Variants in ESRRG observed in about 807,000 individuals in gnomAD.
ESRRG encodes the protein estrogen related receptor gamma, also known as estrogen-related receptor gamma.
Under a neutral mutation model 44.0 loss-of-function variants are expected in ESRRG, and 13 were observed. The observed-to-expected ratio is 0.30, with a 90% CI of 0.19 to 0.47. The LOEUF is 0.47. Ranked by LOEUF, ESRRG falls within the 20% of genes least tolerant of loss-of-function variation. The probability of loss-of-function intolerance (pLI) is 1.00; values close to 1 mark genes in which losing one functional copy is unlikely to be tolerated. For missense variants in ESRRG, 395 were observed against 580.6 expected, an observed-to-expected ratio of 0.68 and a Z score of 3.29; for synonymous variants, 215 against 214.6, an observed-to-expected ratio of 1.00 and a Z score of -0.02.
chr1:216,916,391 G>A (rs2061169193), intron 2 of ESRRG, among the ~76,000 whole-genome samples: 1 of 152,176 alleles, frequency 6.6e-6, no homozygotes, highest in African/African-American at 2.4e-5. Flanking sequence ...GTTCCTGTCA[G>A]TGCTAACTTT....
intron 3 of ESRRG, among the ~76,000 whole-genome samples, chr1:216,602,470 C>T (rs2059378660): frequency 6.6e-6 from 1 of 152,186 alleles, no homozygotes; most frequent in Non-Finnish European, 1.5e-5. Flanking sequence ...AAAATCAGAA[C>T]TAGGGCCAAC....
chr1:216,792,231 ATC>A (rs2094341071), intron 2 of ESRRG, among the ~76,000 whole-genome samples: 2 of 152,246 alleles, frequency 1.3e-5, no homozygotes, highest in Admixed American at 1.3e-4. Context: ...TTTGCTAAAT[ATC>A]TCATTTTATA....
At chr1:216,857,401 T>C (rs886505241) in intron 2 of ESRRG, among the ~76,000 whole-genome samples, 39 of 151,954 alleles carry the variant, frequency 2.6e-4, no homozygotes, top group African/African-American at 8.9e-4. Flanking sequence ...AAAATACGCT[T>C]TGCTGATTTA....
At chr1:216,766,567 G>A (rs2093087780) in intron 2 of ESRRG, among the ~76,000 whole-genome samples, 1 of 151,924 alleles carries the variant, frequency 6.6e-6, no homozygotes, top group Admixed American at 6.6e-5. Flanking sequence ...CAGCACACTC[G>A]ATAGGTTTCA....
At chr1:216,879,453 C>T (rs1287722500) in intron 2 of ESRRG, among the ~76,000 whole-genome samples, 2 of 124,430 alleles carry the variant, frequency 1.6e-5, no homozygotes, top group African/African-American at 3.2e-5. Context: ...AAAATCTGGT[C>T]GGCTTACTCT....
intron 1 of ESRRG, among the ~76,000 whole-genome samples, chr1:216,695,587 T>A (rs555217727): frequency 6.6e-6 from 1 of 152,152 alleles, no homozygotes; most frequent in Admixed American, 6.5e-5. Flanking sequence ...TTATGCTGAG[T>A]TCATGTCAGC....
intron 2 of ESRRG, among the ~76,000 whole-genome samples, chr1:216,924,163 A>G (rs1399095802): frequency 1.3e-5 from 2 of 152,162 alleles, no homozygotes; most frequent in Non-Finnish European, 2.9e-5. Context: ...TTCCCCCTCC[A>G]CAGCTCTGAT....
chr1:216,561,207 G>C (rs577211500), intron 5 of ESRRG, among the ~76,000 whole-genome samples: 3 of 152,072 alleles, frequency 2.0e-5, no homozygotes, highest in Middle Eastern at 3.4e-3. Flanking sequence ...TTCTTATAAA[G>C]AAAGTGTGCA....
chr1:217,108,465 C>T (rs890240942), intron 1 of ESRRG, among the ~76,000 whole-genome samples: 1 of 152,130 alleles, frequency 6.6e-6, no homozygotes, highest in African/African-American at 2.4e-5. Flanking sequence ...AGTTTGGATG[C>T]TTGTCCCCAC....
intron 1 of ESRRG, among the ~76,000 whole-genome samples, chr1:217,021,597 C>T (rs551552038): frequency 4.6e-5 from 7 of 152,340 alleles, no homozygotes; most frequent in African/African-American, 1.7e-4. Flanking sequence ...TCCACCTCTC[C>T]ATGACTCCAT....
intron 1 of ESRRG, among the ~76,000 whole-genome samples, chr1:217,060,688 C>T (rs1296318953): frequency 2.0e-5 from 3 of 151,940 alleles, no homozygotes; most frequent in Admixed American, 1.3e-4. Context: ...AAGATTTTTG[C>T]CTTTTCAAGC....
At chr1:216,536,753 G>A (rs946438093) in intron 5 of ESRRG, among the ~76,000 whole-genome samples, 8 of 152,044 alleles carry the variant, frequency 5.3e-5, no homozygotes, top group African/African-American at 1.9e-4. Context: ...CAGTCACCAT[G>A]CTAGTGCTTC....
intron 2 of ESRRG, among the ~76,000 whole-genome samples, chr1:216,757,367 A>T (rs11572641): frequency 0.022 from 3,377 of 152,126 alleles, 55 homozygotes; most frequent in Non-Finnish European, 0.031. Context: ...TGCTGTGAAA[A>T]AGCCCATGTT....
intron 2 of ESRRG, among the ~76,000 whole-genome samples, chr1:216,657,852 A>G (rs184222391): frequency 6.6e-6 from 1 of 152,304 alleles, no homozygotes; most frequent in East Asian, 1.9e-4. Context: ...AGAGGAGGGT[A>G]TAGACAAGAC....
chr1:216,933,842 T>C (rs1472761326), intron 2 of ESRRG, among the ~76,000 whole-genome samples: 1 of 152,134 alleles, frequency 6.6e-6, no homozygotes, highest in Non-Finnish European at 1.5e-5. Context: ...TATTCCTCAA[T>C]TGCATTCTCC....
intron 2 of ESRRG, among the ~76,000 whole-genome samples, chr1:216,934,536 G>A (rs1451277087): frequency 1.3e-5 from 2 of 152,034 alleles, no homozygotes; most frequent in Non-Finnish European, 1.5e-5. Context: ...ACGGTGGAAG[G>A]CAAAAAGCAT....
chr1:216,791,805 G>T (rs537171233), intron 2 of ESRRG, among the ~76,000 whole-genome samples: 7 of 152,260 alleles, frequency 4.6e-5, no homozygotes, highest in African/African-American at 1.7e-4. Flanking sequence ...AAACTTTAGA[G>T]CTAGGAAAAA....
At chr1:216,953,330 G>T (rs1402289432) in intron 1 of ESRRG, among the ~76,000 whole-genome samples, 25 of 152,138 alleles carry the variant, frequency 1.6e-4, no homozygotes, top group Admixed American at 1.6e-3. Context: ...ATGCTGAATA[G>T]TTACCTCTGC....
chr1:217,004,718 TATCA>T (rs1330616016), intron 1 of ESRRG, among the ~76,000 whole-genome samples: 2 of 152,212 alleles, frequency 1.3e-5, no homozygotes, highest in Non-Finnish European at 2.9e-5. Flanking sequence ...TGTATAACTA[TATCA>T]ATCAATTAAT....
Sources: gnomAD v4.1 joint callset for allele counts (sites outside exome capture counted in the v4.1 genomes callset) on GRCh38, gnomAD v4.1.1 for gene constraint, MANE v1.5 for transcripts, NCBI Gene and HGNC (gene_info 2026-07-23, HGNC 2026-07-21) for gene names.